Variants in KATNB1 observed in about 807,000 individuals in gnomAD.
KATNB1 encodes the protein katanin regulatory subunit B1.
Under a neutral mutation model 82.3 loss-of-function variants are expected in KATNB1, and 38 were observed. That is an observed-to-expected ratio of 0.46 (90% CI 0.36 to 0.61). The LOEUF (loss-of-function observed/expected upper bound fraction) is 0.61. Ranked by LOEUF, KATNB1 falls within the 20% of genes least tolerant of loss-of-function variation. KATNB1 has a pLI of 0.00. For synonymous variants in KATNB1, 361 were observed against 368.7 expected (o/e 0.98, Z 0.24); for missense variants, 749 against 915.7 (o/e 0.82, Z 2.35).
intron 1 of KATNB1, among the ~76,000 whole-genome samples, chr16:57,736,402 G>A (rs2049100056): frequency 1.3e-5 from 2 of 152,120 alleles, no homozygotes; most frequent in South Asian, 2.1e-4. Flanking sequence ...TCCATGAGGA[G>A]GCCTTTTAGA....
chr16:57,741,641 C>A, intron 2 of KATNB1, 46 bp from the exon 3 acceptor site: 1 of 1,576,314 alleles, frequency 6.3e-7, no homozygotes, highest in Non-Finnish European at 8.6e-7. Flanking sequence ...TTCACAAGGC[C>A]CCATCGGGCC....
intron 4 of KATNB1, among the ~76,000 whole-genome samples, chr16:57,749,751 T>C (rs570861382): frequency 6.6e-6 from 1 of 152,222 alleles, no homozygotes. Flanking sequence ...GCCATGGAGA[T>C]GCCTGCAAAA....
chr16:57,756,599 G>C (rs567793055), intron 19 of KATNB1, 127 bp downstream of exon 19: 22 of 1,177,854 alleles, frequency 1.9e-5, no homozygotes, highest in Non-Finnish European at 2.5e-5. Context: ...TTGGTCTGGG[G>C]CCATGGCTCA....
chr16:57,747,368 T>C (rs2049191099), intron 4 of KATNB1, among the ~76,000 whole-genome samples: 1 of 152,186 alleles, frequency 6.6e-6, no homozygotes, highest in Admixed American at 6.5e-5. Flanking sequence ...TCATGCTCTA[T>C]GTTGGCGGCA....
Position 57,755,054 on chromosome 16 carries a change from G to A in KATNB1, c.1296+57G>A, listed in dbSNP as rs532115236. 18 of 1,613,352 alleles carry A rather than the reference G, an allele frequency of 1.1e-5. No individual in the cohort carries two copies. The Admixed American group carries it at 2.5e-4, about 22-fold the overall frequency. On this transcript the variant is annotated intron_variant, in intron 14 of 19. Coordinates refer to ENST00000379661, the MANE Select transcript of KATNB1 (RefSeq NM_005886.3). ...CTAGAGAAGGTCCTGACCCAGGGTT[G>A]GGGGTGCCTCGGGAGGCAGAGAGGG... is the stretch of plus-strand genomic sequence containing the variant.
At chr16:57,742,898 T>G (rs891865059) in intron 3 of KATNB1, among the ~76,000 whole-genome samples, 3 of 152,220 alleles carry the variant, frequency 2.0e-5, no homozygotes, top group Non-Finnish European at 2.9e-5. Flanking sequence ...CATTTTACAT[T>G]CTCACCAGCA....
At chr16:57,755,528 G>A (rs782019351) in intron 16 of KATNB1, 34 bp downstream of exon 16, 11 of 1,593,528 alleles carry the variant, frequency 6.9e-6, no homozygotes, top group East Asian at 4.5e-5. Context: ...GCCTCATCTC[G>A]CCCCCCTGCC....
At chr16:57,747,609 G>T (rs1555581761) in intron 4 of KATNB1, among the ~76,000 whole-genome samples, 1 of 152,222 alleles carries the variant, frequency 6.6e-6, no homozygotes, top group Admixed American at 6.5e-5. Flanking sequence ...GGCCACACCA[G>T]GGCATGCTGT....
chr16:57,743,021 A>G (rs1322055126), intron 3 of KATNB1, among the ~76,000 whole-genome samples: 1 of 152,224 alleles, frequency 6.6e-6, no homozygotes, highest in Non-Finnish European at 1.5e-5. Flanking sequence ...GGCCGGGCAC[A>G]GTGGCTCACG....
chr16:57,750,977 C>A, intron 5 of KATNB1, 50 bp downstream of exon 5: 2 of 1,465,838 alleles, frequency 1.4e-6, no homozygotes, highest in Non-Finnish European at 1.9e-6. Flanking sequence ...TGTGGCAGGA[C>A]CAGCCCGGCC....
intron 2 of KATNB1, 42 bp from the exon 3 acceptor site, chr16:57,741,645 T>A: frequency 6.3e-7 from 1 of 1,580,726 alleles, no homozygotes; most frequent in Non-Finnish European, 8.6e-7. Context: ...CAAGGCCCCA[T>A]CGGGCCGCCC....
rs148527266 is a variant in KATNB1 at position 57,756,340 on chromosome 16, C to T, written c.1719-16C>T. On this transcript the variant is annotated splice_polypyrimidine_tract_variant and intron_variant, in intron 18 of 19. Transcript: ENST00000379661. ...GCCCTTGGTCCATCTGTGACTTCAT[C>T]CATCTCCCCCTAAAGCTACGTCCAG... 1.6e-4 allele frequency: 264 copies of T among 1,605,090 alleles called. 1 individual carries two copies. In the African/African-American group the frequency reaches 3.2e-3, roughly 20 times the overall value.
intron 11 of KATNB1, 31 bp from the exon 12 acceptor site, chr16:57,753,358 G>C (rs782429018): frequency 1.3e-6 from 2 of 1,598,938 alleles, no homozygotes; most frequent in East Asian, 2.3e-5. Context: ...CAGGGCACCT[G>C]CTTCCGTTGG....
chr16:57,754,953 G>C lies in KATNB1; in HGVS notation c.1252G>C (p.Ala418Pro). The C allele has an allele frequency of 6.2e-7, 1 of 1,614,076 alleles. No homozygotes were observed. The highest frequency in any genetic ancestry group is 2.2e-5 in the East Asian group (1 of 44,878). Reference protein sequence around the residue: ...EDDAATAKEAAKPSPAMDVQF... With the variant: ...EDDAATAKEAPKPSPAMDVQF... Reference sequence around the variant, plus strand: ...AGACGCAGCCACAGCAAAGGAGGCAGCAAAGCCCAGCCCTGCCATGGATGT... The same window carrying C: ...AGACGCAGCCACAGCAAAGGAGGCACCAAAGCCCAGCCCTGCCATGGATGT... The change falls in exon 14 of 20, where the codon GCA becomes CCA. Residue 418 changes from alanine (A) to proline (P), a missense_variant. Ala to Pro is a conservative substitution (Grantham distance 27, BLOSUM62 -1). Transcript: ENST00000379661.
chr16:57,742,067 G>C lies in KATNB1; in HGVS notation c.171+250G>C, dbSNP rs11076201. On this transcript the variant is annotated intron_variant, in intron 3 of 19. Coordinates refer to ENST00000379661, the MANE Select transcript of KATNB1 (RefSeq NM_005886.3). ...CAGTGGCCAGCCCTCAGGAGCGAGG[G>C]AGTCACCTGCCTGTGGTACTATTAA... Among the ~76,000 whole-genome samples the C allele has an allele frequency of 0.042, 6,459 of 152,300 alleles. 263 individuals carry two copies. The highest frequency in any genetic ancestry group is 0.14 in the East Asian group (722 of 5,166).
rs782525700 is a variant in KATNB1, at chr16:57,755,258, G to A, written c.1416+20G>A. 101 of 1,610,364 alleles carry A rather than the reference G, an allele frequency of 6.3e-5. No individual in the cohort carries two copies. The highest frequency in any genetic ancestry group is 8.3e-5 in the Non-Finnish European group (98 of 1,179,926). On this transcript the variant is annotated intron_variant, in intron 15 of 19. Coordinates refer to ENST00000379661, the MANE Select transcript of KATNB1 (RefSeq NM_005886.3). Reference sequence around the variant, plus strand: ...CTGCCCGTGAGTAGGAGCCCAGCTCGAGGCATGGGTGGAGGTCTGTGGGTG... The same window carrying A: ...CTGCCCGTGAGTAGGAGCCCAGCTCAAGGCATGGGTGGAGGTCTGTGGGTG...
chr16:57,756,693 C>T lies in KATNB1; in HGVS notation c.1836-121C>T, dbSNP rs77099113. On this transcript the variant is annotated intron_variant, in intron 19 of 19. Coordinates refer to ENST00000379661, the MANE Select transcript of KATNB1 (RefSeq NM_005886.3). ...CCCTGGCAGGGCCTGGGTGGTTCCC[C>T]TCTGGGCCTCCGCCTTCCCTTGGGA... 798 of 1,423,486 alleles carry T rather than the reference C, an allele frequency of 5.6e-4. 6 individuals carry two copies. The African/African-American group carries it at 9.5e-3, about 17-fold the overall frequency. The allele number at this position is 1,423,486 out of a possible 1,614,324, so 88.2% of individuals were successfully genotyped here.
intron 2 of KATNB1, among the ~76,000 whole-genome samples, chr16:57,739,692 T>C (rs1229922762): frequency 1.3e-5 from 2 of 152,102 alleles, no homozygotes; most frequent in Non-Finnish European, 2.9e-5. Context: ...GTCAGGCTGC[T>C]TAGAGGGGAG....
Position 57,756,071 on chromosome 16 carries a change from G to A in KATNB1, c.1718+5G>A, listed in dbSNP as rs2049274534. 7 of 1,604,420 alleles carry A rather than the reference G, an allele frequency of 4.4e-6. No individual in the cohort carries two copies. Among genetic ancestry groups the A allele is most frequent in the South Asian group, 2.2e-5 (2 of 91,078 alleles). On this transcript the variant is annotated splice_donor_5th_base_variant and intron_variant, in intron 18 of 19. Coordinates refer to ENST00000379661, the MANE Select transcript of KATNB1 (RefSeq NM_005886.3). Reference sequence around the variant, plus strand: ...TCTGCAGAGCAAGTATGAGAGGTGCGTGTGGGGAAGCCATGCCTGCCTGAA... The same window carrying A: ...TCTGCAGAGCAAGTATGAGAGGTGCATGTGGGGAAGCCATGCCTGCCTGAA...
Sources: allele counts gnomAD v4.1 joint callset (sites outside exome capture counted in the v4.1 genomes callset), GRCh38; gene constraint gnomAD v4.1.1; transcripts MANE v1.5; gene names NCBI Gene and HGNC (gene_info 2026-07-23, HGNC 2026-07-21).